Variants in MGAT4C observed in about 807,000 individuals in gnomAD.
MGAT4C encodes MGAT4 family member C, also known as alpha-1,3-mannosyl-glycoprotein 4-beta-N-acetylglucosaminyltransferase C.
MGAT4C carries 19 observed loss-of-function variants against 40.1 expected under a neutral mutation model. That is an observed-to-expected ratio of 0.47 (90% CI 0.33 to 0.70). The LOEUF (loss-of-function observed/expected upper bound fraction) is 0.70, where lower values mean the gene tolerates loss of function less well. Among genes scored for constraint, MGAT4C ranks in the 30% least tolerant of loss-of-function variants. The pLI, the probability that MGAT4C is intolerant of heterozygous loss-of-function variation, is 0.02. For synonymous variants in MGAT4C, 181 were observed against 187.1 expected (o/e 0.97, Z 0.27); for missense variants, 491 against 563.2 (o/e 0.87, Z 1.30).
intron 1 of MGAT4C, among the ~76,000 whole-genome samples, chr12:86,248,156 T>C (rs929834041): frequency 1.5e-4 from 23 of 152,088 alleles, no homozygotes; most frequent in African/African-American, 5.6e-4. Flanking sequence ...ATCTCAAGCA[T>C]AGCATGTCTA....
At chr12:86,175,429 C>A (rs1271866600) in intron 1 of MGAT4C, among the ~76,000 whole-genome samples, 1 of 152,070 alleles carries the variant, frequency 6.6e-6, no homozygotes, top group Non-Finnish European at 1.5e-5. Context: ...GTATTTAGTA[C>A]ATTATTTCAG....
chr12:86,154,651 A>G (rs1884694911), intron 1 of MGAT4C, among the ~76,000 whole-genome samples: 1 of 152,162 alleles, frequency 6.6e-6, no homozygotes, highest in Non-Finnish European at 1.5e-5. Flanking sequence ...CTCACATTAT[A>G]CTTTAATTGC....
rs775408430 is a variant in MGAT4C at position 85,979,753 on chromosome 12, G to C, written c.973C>G (p.Leu325Val). ...TCCTCTTCAAAATCATCATCCTTCA[G>C]CTTATTCTCCGTCCCTTTGTATGAT... ...YSSYKGTENK[L>V]KDDDFEEESF... The change falls in exon 5 of 5, where the codon CTG (leucine) becomes GTG (valine). Residue 325 changes from leucine to valine, a missense_variant. Coordinates refer to ENST00000611864, the MANE Select transcript of MGAT4C (RefSeq NM_001351288.2). The C allele has an allele frequency of 6.2e-7, 1 of 1,613,532 alleles. No individual in the cohort carries two copies. Among genetic ancestry groups the C allele is most frequent in the Non-Finnish European group, 8.5e-7 (1 of 1,179,768 alleles).
At chr12:86,564,864 T>G (rs542711758) in intron 2 of MGAT4C, among the ~76,000 whole-genome samples, 42 of 152,284 alleles carry the variant, frequency 2.8e-4, no homozygotes, top group African/African-American at 9.6e-4. Flanking sequence ...CAGGCTGCTG[T>G]GCAAGCTGCT....
intron 3 of MGAT4C, among the ~76,000 whole-genome samples, chr12:86,334,780 G>T (rs2136176956): frequency 6.6e-6 from 1 of 152,064 alleles, no homozygotes; most frequent in East Asian, 1.9e-4. Flanking sequence ...ATTATTTCTG[G>T]TCTATTTAGC....
rs917660990 is a variant in MGAT4C, at chr12:86,777,545, C to T, written c.-261-50304G>A. On this transcript the variant is annotated intron_variant, in intron 1 of 7. Coordinates refer to the MGAT4C transcript ENST00000548651. Reference sequence around the variant, plus strand: ...TTGGCAATACTAAATTAGAGGCAGCCAGACCCTCTGAATCTTGTGGTTGGA... The same window carrying T: ...TTGGCAATACTAAATTAGAGGCAGCTAGACCCTCTGAATCTTGTGGTTGGA... 2.0e-5 allele frequency among the ~76,000 whole-genome samples: 3 copies of T among 152,266 alleles called. 1 individual carries two copies. In the Middle Eastern group the frequency reaches 0.01, roughly 518 times the overall value.
At chr12:86,448,100 A>G (rs1957369707) in intron 2 of MGAT4C, among the ~76,000 whole-genome samples, 1 of 152,274 alleles carries the variant, frequency 6.6e-6, no homozygotes, top group African/African-American at 2.4e-5. Context: ...TAGAGAAGGG[A>G]ATTAGTAGCC....
At chr12:86,541,878 G>T (rs895636514) in intron 2 of MGAT4C, among the ~76,000 whole-genome samples, 1 of 152,086 alleles carries the variant, frequency 6.6e-6, no homozygotes, top group African/African-American at 2.4e-5. Context: ...TTCTATTTCT[G>T]TACTCACTTC....
intron 2 of MGAT4C, among the ~76,000 whole-genome samples, chr12:86,596,208 TAAA>T (rs1961532678): frequency 6.6e-6 from 1 of 151,726 alleles, no homozygotes; most frequent in Non-Finnish European, 1.5e-5. Context: ...TTAAAATAAA[TAAA>T]TAAATAAATA....
intron 3 of MGAT4C, among the ~76,000 whole-genome samples, chr12:86,386,864 G>A (rs942323193): frequency 6.6e-6 from 1 of 151,894 alleles, no homozygotes; most frequent in Non-Finnish European, 1.5e-5. Flanking sequence ...TAACTACATG[G>A]CACAAATATA....
chr12:86,466,877 C>T (rs1292463467), intron 2 of MGAT4C, among the ~76,000 whole-genome samples: 1 of 152,012 alleles, frequency 6.6e-6, no homozygotes, highest in Non-Finnish European at 1.5e-5. Flanking sequence ...CTACATGATG[C>T]TTAATATTTG....
chr12:86,830,022 AC>A (rs2136234973), intron 1 of MGAT4C, among the ~76,000 whole-genome samples: 2 of 151,596 alleles, frequency 1.3e-5, no homozygotes, highest in South Asian at 4.1e-4. Flanking sequence ...ACTGAATTTT[AC>A]CTCATGAACA....
At position 86,073,922 on chromosome 12, in the gene MGAT4C, A is replaced by G. The variant is rs544442764; in HGVS notation, c.-56-24199T>C. 2.1e-3 allele frequency among the ~76,000 whole-genome samples: 324 copies of G among 152,082 alleles called. 1 individual carries two copies. Among genetic ancestry groups the G allele is most frequent in the African/African-American group, 7.1e-3 (295 of 41,464 alleles). On this transcript the variant is annotated intron_variant, in intron 1 of 4. Coordinates refer to ENST00000611864, the MANE Select transcript of MGAT4C (RefSeq NM_001351288.2). ...TGGTTTTGAAATGTGAGGACATGAG[A>G]TTTGGAGGGGCCAGGGGTGAAATTA...
At chr12:86,492,569 G>A (rs1226235614) in intron 2 of MGAT4C, among the ~76,000 whole-genome samples, 1 of 152,136 alleles carries the variant, frequency 6.6e-6, no homozygotes, top group African/African-American at 2.4e-5. Context: ...TTAATAAAAT[G>A]GTGCTGGGAA....
intron 1 of MGAT4C, among the ~76,000 whole-genome samples, chr12:86,231,085 C>T (rs1951302952): frequency 6.6e-6 from 1 of 152,058 alleles, no homozygotes; most frequent in Non-Finnish European, 1.5e-5. Flanking sequence ...GTTTTAATAT[C>T]ATCGATGGTC....
At chr12:86,144,414 G>T (rs1883249066) in intron 1 of MGAT4C, among the ~76,000 whole-genome samples, 1 of 152,014 alleles carries the variant, frequency 6.6e-6, no homozygotes, top group East Asian at 1.9e-4. Context: ...CTTAATATAG[G>T]ATGCTAAGAA....
At position 86,195,367 on chromosome 12, in the gene MGAT4C, G is replaced by A. The variant is rs150093682; in HGVS notation, c.-57+60872C>T. 3.2e-3 allele frequency among the ~76,000 whole-genome samples: 487 copies of A among 152,016 alleles called. 2 individuals are homozygous for A. Among genetic ancestry groups the A allele is most frequent in the African/African-American group, 0.011 (452 of 41,458 alleles). On this transcript the variant is annotated intron_variant, in intron 1 of 4. Transcript: ENST00000611864. ...TTCTATAGGCCAGTCTTTCTTATTG[G>A]ATTATAGTGATTTTATTAGGCTATC...
At chr12:86,044,370 G>A (rs1892181601) in intron 2 of MGAT4C, among the ~76,000 whole-genome samples, 1 of 152,184 alleles carries the variant, frequency 6.6e-6, no homozygotes, top group African/African-American at 2.4e-5. Flanking sequence ...AGCAGCAGTG[G>A]CAGCATGGTG....
At chr12:86,705,513 A>G (rs1267649185) in intron 2 of MGAT4C, among the ~76,000 whole-genome samples, 1 of 151,600 alleles carries the variant, frequency 6.6e-6, no homozygotes, top group Non-Finnish European at 1.5e-5. Flanking sequence ...TCCCAGGTAA[A>G]GAAAAAAAAT....
Sources: gnomAD v4.1 joint callset for allele counts (sites outside exome capture counted in the v4.1 genomes callset) on GRCh38, gnomAD v4.1.1 for gene constraint, MANE v1.5 for transcripts, NCBI Gene and HGNC (gene_info 2026-07-23, HGNC 2026-07-21) for gene names.